Variants in TTLL5 observed in about 807,000 individuals in gnomAD.
TTLL5 encodes the protein tubulin tyrosine ligase like 5, also known as tubulin polyglutamylase TTLL5.
Under a neutral mutation model 168.4 loss-of-function variants are expected in TTLL5, and 132 were observed. The ratio of observed to expected loss-of-function variants is 0.78; its 90% CI spans 0.68 to 0.91. TTLL5 has a LOEUF of 0.91. Ranked by LOEUF, TTLL5 falls within the 40% of genes least tolerant of loss-of-function variation. The pLI is 0.00. For synonymous variants in TTLL5, 546 were observed against 558.6 expected (o/e 0.98, Z 0.32); for missense variants, 1,545 against 1,581.5 (o/e 0.98, Z 0.39).
At chr14:75,773,937 GAGAGAGAGAGAGAGAGAGAA>G (rs1566598050) in intron 21 of TTLL5, among the ~76,000 whole-genome samples, 12 of 32,194 alleles carry the variant, frequency 3.7e-4, no homozygotes, top group South Asian at 1.7e-3. Context: ...TAGAGAGAGA[GAGAGAGAGAGAGAGAGAGAA>G]AGAGAGAGAG....
chr14:75,808,371 G>A (rs979412876), intron 27 of TTLL5, among the ~76,000 whole-genome samples: 2 of 152,100 alleles, frequency 1.3e-5, no homozygotes, highest in African/African-American at 2.4e-5. Context: ...TTCTCTCCTG[G>A]TGATTGGAGT....
chr14:75,798,756 A>G (rs1893127367), intron 27 of TTLL5, among the ~76,000 whole-genome samples: 1 of 152,196 alleles, frequency 6.6e-6, no homozygotes, highest in South Asian at 2.1e-4. Flanking sequence ...TTTAATTTCC[A>G]TGTACTTGCA....
At chr14:75,771,607 A>G in intron 20 of TTLL5, 127 bp from the exon 21 acceptor site, 2 of 1,343,890 alleles carry the variant, frequency 1.5e-6, no homozygotes, top group Non-Finnish European at 1.0e-6. Flanking sequence ...AGGCTGTAAG[A>G]TGGGTTTCAT....
At chr14:75,915,471 T>G (rs1254655861) in intron 31 of TTLL5, among the ~76,000 whole-genome samples, 1 of 152,198 alleles carries the variant, frequency 6.6e-6, no homozygotes, top group East Asian at 1.9e-4. Flanking sequence ...TTGTAAGAAT[T>G]CCAGAATGCA....
At chr14:75,908,934 G>T (rs2033256767) in intron 31 of TTLL5, among the ~76,000 whole-genome samples, 1 of 151,992 alleles carries the variant, frequency 6.6e-6, no homozygotes. Context: ...GTGCCACAAT[G>T]CACAGCTAAT....
chr14:75,689,600 A>G (rs538909221), intron 5 of TTLL5: 9 of 152,362 alleles, frequency 5.9e-5, no homozygotes, highest in East Asian at 3.9e-4. Context: ...AATGCCTTCA[A>G]CTGGTGAATG....
At position 75,669,526 on chromosome 14, in the gene TTLL5, C is replaced by T. The variant is rs117639142; in HGVS notation, c.181+4C>T. 0.012 allele frequency: 19,348 copies of T among 1,612,104 alleles called. 155 individuals carry two copies. The highest frequency in any genetic ancestry group is 0.015 in the Non-Finnish European group (17,090 of 1,178,344). Reference sequence around the variant, plus strand: ...AACAATATTAGAGTAATTGGAGGTGCGTATAACCTCTCCCACAGAGGACGG... The same window carrying T: ...AACAATATTAGAGTAATTGGAGGTGTGTATAACCTCTCCCACAGAGGACGG... On this transcript the variant is annotated splice_donor_region_variant and intron_variant, in intron 3 of 31. Coordinates refer to ENST00000298832, the MANE Select transcript of TTLL5 (RefSeq NM_015072.5).
chr14:75,698,372 T>C (rs1232284043), intron 6 of TTLL5, among the ~76,000 whole-genome samples: 1 of 152,216 alleles, frequency 6.6e-6, no homozygotes, highest in Non-Finnish European at 1.5e-5. Flanking sequence ...TAAATGATTG[T>C]CCTTCCTCTC....
chr14:75,827,704 G>GTTT (rs1566621341), intron 28 of TTLL5, among the ~76,000 whole-genome samples: 2 of 92,552 alleles, frequency 2.2e-5, no homozygotes, highest in Admixed American at 1.1e-4. Context: ...ATTTGGCTTG[G>GTTT]TTCTTTTTTT....
chr14:75,909,715 G>T (rs2033291521), intron 31 of TTLL5, among the ~76,000 whole-genome samples: 1 of 152,188 alleles, frequency 6.6e-6, no homozygotes, highest in Non-Finnish European at 1.5e-5. Context: ...ACATCACCCA[G>T]TTCTAAGCAA....
At chr14:75,784,203 A>G (rs551368841) in intron 26 of TTLL5, among the ~76,000 whole-genome samples, 1 of 152,234 alleles carries the variant, frequency 6.6e-6, no homozygotes, top group South Asian at 2.1e-4. Flanking sequence ...TTCCTCCCCC[A>G]AGCCCCTGGC....
intron 3 of TTLL5, among the ~76,000 whole-genome samples, chr14:75,675,373 C>T (rs969590898): frequency 2.0e-5 from 3 of 152,150 alleles, no homozygotes; most frequent in Non-Finnish European, 4.4e-5. Flanking sequence ...CGTTTCATTG[C>T]TCTCTAGGTA....
intron 9 of TTLL5, among the ~76,000 whole-genome samples, chr14:75,715,941 T>C (rs1008467947): frequency 2.6e-5 from 4 of 152,158 alleles, no homozygotes; most frequent in Non-Finnish European, 5.9e-5. Flanking sequence ...CAAGTACTTG[T>C]AGTAACTACA....
intron 3 of TTLL5, among the ~76,000 whole-genome samples, chr14:75,680,193 A>C (rs1594857893): frequency 1.3e-5 from 2 of 152,346 alleles, no homozygotes; most frequent in East Asian, 1.9e-4. Context: ...GAGTAAATAC[A>C]TTGAAATCTC....
intron 10 of TTLL5, 23 bp from the exon 11 acceptor site, chr14:75,719,712 T>C: frequency 6.3e-7 from 1 of 1,589,620 alleles, no homozygotes; most frequent in Non-Finnish European, 8.6e-7. Context: ...CATATGTGAC[T>C]TTGATTTATT....
chr14:75,829,961 G>A (rs368371218), intron 28 of TTLL5, among the ~76,000 whole-genome samples: 1 of 152,164 alleles, frequency 6.6e-6, no homozygotes, highest in African/African-American at 2.4e-5. Context: ...GAATTAGGAA[G>A]TATCATTAAT....
rs760930545 is a variant in TTLL5, at chr14:75,820,100, A to G, written c.3265A>G (p.Thr1089Ala). Residue 1089 changes from threonine (T) to alanine (A), a missense_variant, in exon 28 of 32, where the codon ACA becomes GCA. Transcript: ENST00000298832. Reference protein sequence around the residue: ...LRPIISPSGPTWSTQSDPQAP... With the variant: ...LRPIISPSGPAWSTQSDPQAP... ...ACCCATCATCAGTCCTAGTGGCCCG[A>G]CATGGTCTACACAGTCAGACCCCCA... 6.2e-7 allele frequency: 1 copy of G among 1,608,858 alleles called. No homozygotes were observed. Among genetic ancestry groups the G allele is most frequent in the Non-Finnish European group, 8.5e-7 (1 of 1,178,014 alleles).
chr14:75,811,161 G>GTGTA (rs1893984113), intron 27 of TTLL5, among the ~76,000 whole-genome samples: 42 of 137,034 alleles, frequency 3.1e-4, no homozygotes, highest in African/African-American at 1.1e-3. Context: ...GAAAGAGTGT[G>GTGTA]TGTGTGTGTG....
At chr14:75,860,597 C>T (rs1421342995) in intron 28 of TTLL5, among the ~76,000 whole-genome samples, 2 of 152,320 alleles carry the variant, frequency 1.3e-5, no homozygotes, top group Non-Finnish European at 2.9e-5. Flanking sequence ...CAAAGCAGCA[C>T]CTGCCCTAAT....
Sources: gnomAD v4.1 joint callset for allele counts (sites outside exome capture counted in the v4.1 genomes callset) on GRCh38, gnomAD v4.1.1 for gene constraint, MANE v1.5 for transcripts, NCBI Gene and HGNC (gene_info 2026-07-23, HGNC 2026-07-21) for gene names.